The following PPP1R9A variants were observed in gnomAD, a reference collection of about 807,000 sequenced individuals.
The protein encoded by PPP1R9A is protein phosphatase 1 regulatory subunit 9A, also known as neurabin-1.
PPP1R9A carries 59 observed loss-of-function variants against 141.9 expected under a neutral mutation model. The observed-to-expected ratio is 0.42, with a 90% CI of 0.34 to 0.52. PPP1R9A has a LOEUF of 0.52. Ranked by LOEUF, PPP1R9A falls within the 20% of genes least tolerant of loss-of-function variation. The pLI is 0.10. For synonymous variants in PPP1R9A, 500 were observed against 569.7 expected (o/e 0.88, Z 1.74); for missense variants, 1,444 against 1,611.9 (o/e 0.90, Z 1.78).
intron 2 of PPP1R9A, among the ~76,000 whole-genome samples, chr7:95,006,730 A>ACCCTT (rs1437899765): frequency 6.6e-6 from 1 of 152,046 alleles, no homozygotes; most frequent in Non-Finnish European, 1.5e-5. Flanking sequence ...CATATCCCTT[A>ACCCTT]CCCTTCTCAA....
At chr7:95,278,434 CTCT>C (rs1374858984) in intron 16 of PPP1R9A, among the ~76,000 whole-genome samples, 1 of 151,636 alleles carries the variant, frequency 6.6e-6, no homozygotes, top group Non-Finnish European at 1.5e-5. Context: ...ATTATTTTAC[CTCT>C]TTTTTTCCCA....
intron 5 of PPP1R9A, among the ~76,000 whole-genome samples, chr7:95,190,472 C>A (rs183611915): frequency 6.6e-6 from 1 of 152,252 alleles, no homozygotes; most frequent in African/African-American, 2.4e-5. Context: ...GTTTTAGACA[C>A]GTTGAGGATG....
chr7:95,186,025 G>A (rs1306330675), intron 5 of PPP1R9A, among the ~76,000 whole-genome samples: 1 of 117,308 alleles, frequency 8.5e-6, no homozygotes, highest in Non-Finnish European at 1.8e-5. Flanking sequence ...TTGTTCCATA[G>A]AAATTTTTAG....
intron 16 of PPP1R9A, among the ~76,000 whole-genome samples, chr7:95,276,330 G>A (rs1585596527): frequency 6.6e-6 from 1 of 152,138 alleles, no homozygotes; most frequent in East Asian, 1.9e-4. Context: ...TGAAAGTCAA[G>A]CCAATCTTGA....
intron 2 of PPP1R9A, among the ~76,000 whole-genome samples, chr7:95,060,084 A>G (rs1321806634): frequency 2.0e-5 from 3 of 152,170 alleles, no homozygotes; most frequent in Admixed American, 2.0e-4. Flanking sequence ...CCCCATCCCC[A>G]GTTCTCCCAC....
In PPP1R9A at chr7:95,146,651, T is replaced by A. The variant is rs186196889; in HGVS notation, c.1650-15216T>A. 5.3e-3 allele frequency among the ~76,000 whole-genome samples: 805 copies of A among 152,340 alleles called. 4 individuals carry two copies. Among genetic ancestry groups the A allele is most frequent in the Non-Finnish European group, 8.7e-3 (594 of 68,028 alleles). ...TTAGGTCTTACATTTAAATCTTTAA[T>A]CCATCTTGAGTTAATTTTTGTATAA... On this transcript the variant is annotated intron_variant, in intron 4 of 19. Coordinates refer to ENST00000433360, the MANE Select transcript of PPP1R9A (RefSeq NM_001166160.2).
At chr7:94,965,056 T>A (rs1798052260) in intron 2 of PPP1R9A, among the ~76,000 whole-genome samples, 1 of 152,220 alleles carries the variant, frequency 6.6e-6, no homozygotes, top group East Asian at 1.9e-4. Flanking sequence ...GGTTTTCATT[T>A]GTATTTCTCT....
chr7:95,121,898 C>T (rs1262812474), intron 4 of PPP1R9A, among the ~76,000 whole-genome samples: 1 of 152,190 alleles, frequency 6.6e-6, no homozygotes, highest in African/African-American at 2.4e-5. Flanking sequence ...GGTCTAACCT[C>T]TCAACACTGT....
Position 95,088,216 on chromosome 7 carries a change from A to T in PPP1R9A, c.1396-23043A>T, listed in dbSNP as rs1289897742. Among the ~76,000 whole-genome samples the T allele has an allele frequency of 2.0e-5, 3 of 151,898 alleles. 1 individual carries two copies. The highest frequency in any genetic ancestry group is 7.3e-5 in the African/African-American group (3 of 41,214). On this transcript the variant is annotated intron_variant, in intron 2 of 19. Coordinates refer to ENST00000433360, the MANE Select transcript of PPP1R9A (RefSeq NM_001166160.2). ...ACTTGAGTAGTAGCTGAGAATTGGG[A>T]TGTAATAGTCAATATAATTTATCAA...
chr7:95,117,138 G>A (rs1279540013), intron 3 of PPP1R9A, among the ~76,000 whole-genome samples: 1 of 152,156 alleles, frequency 6.6e-6, no homozygotes, highest in Non-Finnish European at 1.5e-5. Context: ...TAAGCTTTGG[G>A]CTCCATAGTA....
intron 4 of PPP1R9A, among the ~76,000 whole-genome samples, chr7:95,147,813 T>TGTTGC (rs564133590): frequency 2.2e-4 from 34 of 152,318 alleles, no homozygotes; most frequent in African/African-American, 7.9e-4. Context: ...GATTTGCATA[T>TGTTGC]GTTGAACCAG....
At chr7:95,102,812 T>C (rs1818963957) in intron 2 of PPP1R9A, among the ~76,000 whole-genome samples, 1 of 152,196 alleles carries the variant, frequency 6.6e-6, no homozygotes, top group African/African-American at 2.4e-5. Flanking sequence ...ACCAAAAAGT[T>C]CAGTTTTGCA....
chr7:95,060,020 A>G (rs1050142782), intron 2 of PPP1R9A, among the ~76,000 whole-genome samples: 2 of 152,178 alleles, frequency 1.3e-5, no homozygotes, highest in African/African-American at 4.8e-5. Context: ...ACTTGGCAGC[A>G]GTCCTGGAAG....
chr7:94,973,494 G>A (rs912471556), intron 2 of PPP1R9A, among the ~76,000 whole-genome samples: 4 of 152,102 alleles, frequency 2.6e-5, no homozygotes, highest in Admixed American at 6.6e-5. Context: ...TGAACTGTTG[G>A]TGGTGGAGAA....
rs1806432814 is a variant in PPP1R9A, at chr7:95,292,029, G to A, written c.*1726G>A. 2 of 152,076 alleles carry A rather than the reference G, an allele frequency of 1.3e-5. No individual in the cohort carries two copies. The highest frequency in any genetic ancestry group is 4.1e-4 in the South Asian group (2 of 4,824). 9.4% of individuals were successfully genotyped at this position (152,076 alleles called of 1,614,324 possible). On this transcript the variant is annotated 3_prime_UTR_variant, in exon 20 of 20. Transcript: ENST00000433360. ...TCTTTTCATTGCCAGAGTATTGTCG[G>A]TTATGCGTCAGCTCTTTTGTCATTA...
At chr7:94,913,413 G>A (rs536644998) in intron 2 of PPP1R9A, among the ~76,000 whole-genome samples, 3 of 152,156 alleles carry the variant, frequency 2.0e-5, no homozygotes, top group African/African-American at 7.2e-5. Context: ...AGCAAATAAT[G>A]AAACATTACC....
intron 2 of PPP1R9A, among the ~76,000 whole-genome samples, chr7:95,010,010 A>G (rs1279733557): frequency 6.6e-6 from 1 of 152,208 alleles, no homozygotes; most frequent in East Asian, 1.9e-4. Context: ...AGATCTTAGC[A>G]TTTCTGGTAC....
intron 2 of PPP1R9A, among the ~76,000 whole-genome samples, chr7:94,926,122 G>A (rs1208344212): frequency 6.6e-6 from 1 of 152,106 alleles, no homozygotes; most frequent in Non-Finnish European, 1.5e-5. Flanking sequence ...CCACTGCTGG[G>A]CTAACATTTT....
chr7:94,998,722 C>T (rs1253878725), intron 2 of PPP1R9A, among the ~76,000 whole-genome samples: 6 of 152,012 alleles, frequency 3.9e-5, no homozygotes, highest in Non-Finnish European at 2.9e-5. Context: ...TCTGCTTATC[C>T]GTTTTACAAA....
Sources: allele counts gnomAD v4.1 joint callset (sites outside exome capture counted in the v4.1 genomes callset), GRCh38; gene constraint gnomAD v4.1.1; transcripts MANE v1.5; gene names NCBI Gene and HGNC (gene_info 2026-07-23, HGNC 2026-07-21).